Variants in RAPGEF6 observed in about 807,000 individuals in gnomAD.
RAPGEF6 encodes the protein PDZ domain containing guanine nucleotide exchange factor (GEF) 2.
RAPGEF6 carries 56 observed loss-of-function variants against 171.4 expected under a neutral mutation model. The ratio of observed to expected loss-of-function variants is 0.33; its 90% confidence interval spans 0.26 to 0.41. The LOEUF (loss-of-function observed/expected upper bound fraction) is 0.41. Ranked by LOEUF, RAPGEF6 falls within the 10% of genes least tolerant of loss-of-function variation. The pLI is 1.00. For missense variants in RAPGEF6, 1,674 were observed against 1,921.4 expected (o/e 0.87, Z 2.41); for synonymous variants, 692 against 650.1 (o/e 1.06, Z -0.98).
At chr5:131,528,313 T>TATTTTATA (rs1251388931) in intron 6 of RAPGEF6, among the ~76,000 whole-genome samples, 6 of 48,832 alleles carry the variant, frequency 1.2e-4, no homozygotes, top group African/African-American at 2.9e-4. Context: ...TATATTTATA[T>TATTTTATA]TATATATATA....
intron 4 of RAPGEF6, among the ~76,000 whole-genome samples, chr5:131,567,351 T>C (rs570374569): frequency 2.6e-5 from 4 of 152,298 alleles, no homozygotes; most frequent in African/African-American, 9.6e-5. Flanking sequence ...ACTCTGTTCT[T>C]TTCATTCTTA....
intron 4 of RAPGEF6, among the ~76,000 whole-genome samples, chr5:131,573,650 T>A (rs1762439143): frequency 1.3e-5 from 2 of 151,730 alleles, no homozygotes; most frequent in South Asian, 4.2e-4. Context: ...CCAGACGGAC[T>A]CCCCAGGTAT....
intron 14 of RAPGEF6, among the ~76,000 whole-genome samples, chr5:131,491,814 G>A (rs376001553): frequency 1.3e-5 from 2 of 152,120 alleles, no homozygotes; most frequent in South Asian, 2.1e-4. Flanking sequence ...TCCCTGGTCC[G>A]TGGAAAAACT....
chr5:131,516,377 G>T (rs1758086540), intron 7 of RAPGEF6, among the ~76,000 whole-genome samples: 1 of 152,164 alleles, frequency 6.6e-6, no homozygotes. Context: ...AAAGAAAGGT[G>T]TAAGAGAACA....
intron 6 of RAPGEF6, among the ~76,000 whole-genome samples, chr5:131,528,306 A>AG (rs1759090160): frequency 2.9e-5 from 1 of 34,874 alleles, no homozygotes; most frequent in Non-Finnish European, 6.4e-5. Flanking sequence ...AAAATAATAT[A>AG]TTTATATTAT....
Position 131,486,097 on chromosome 5 carries a change from G to A in RAPGEF6, c.1840+3449C>T, listed in dbSNP as rs7444480. 1.4e-3 allele frequency among the ~76,000 whole-genome samples: 207 copies of A among 152,324 alleles called. 2 individuals carry two copies. In the East Asian group the frequency reaches 0.036, roughly 27 times the overall value. The stretch of plus-strand genomic sequence containing the variant: ...ACCTAGATGGTCAGTTAGGTACAGC[G>A]CACATCCACTTCAGAGAGAGGTTTT... On this transcript the variant is annotated intron_variant, in intron 15 of 27. Transcript: ENST00000509018.
chr5:131,606,048 A>AG (rs1468121595), intron 1 of RAPGEF6, among the ~76,000 whole-genome samples: 69 of 123,582 alleles, frequency 5.6e-4, no homozygotes, highest in Non-Finnish European at 9.5e-4. Context: ...AAAAAAAAAA[A>AG]AAAAAGAAAA....
At chr5:131,466,868 T>C (rs995507726) in intron 17 of RAPGEF6, among the ~76,000 whole-genome samples, 2 of 152,230 alleles carry the variant, frequency 1.3e-5, no homozygotes, top group Admixed American at 6.5e-5. Flanking sequence ...AAGAGAAATA[T>C]ACTGAACAAA....
chr5:131,466,489 T>G (rs1754358263), intron 17 of RAPGEF6, among the ~76,000 whole-genome samples: 1 of 152,170 alleles, frequency 6.6e-6, no homozygotes, highest in South Asian at 2.1e-4. Context: ...GAATTGTAAC[T>G]CCCACAATTC....
chr5:131,548,074 A>T lies in RAPGEF6; in HGVS notation c.468T>A (p.Asp156Glu). The change falls in exon 6 of 28, where the codon GAT (aspartate) becomes GAA (glutamate). Residue 156 changes from aspartate (D) to glutamate (E), a missense_variant. By Grantham distance (45) the Asp-to-Glu change is conservative. Around this residue, in one of 3 missense-constraint regions of RAPGEF6, gnomAD observed 1,116 missense variants for 1,321.5 expected, o/e 0.84. Coordinates refer to ENST00000509018, the MANE Select transcript of RAPGEF6 (RefSeq NM_016340.6). ...NYKGERQTIT[D>E]DVEVNSYLSL... Reference sequence around the variant, plus strand: ...AAAGATAGCTGTTAACCTCCACATCATCAGTAATGGTTTGGCGCTCTCCTT... The same window carrying T: ...AAAGATAGCTGTTAACCTCCACATCTTCAGTAATGGTTTGGCGCTCTCCTT... 6.2e-7 allele frequency: 1 copy of T among 1,613,938 alleles called. No individual in the cohort carries two copies. Among genetic ancestry groups the T allele is most frequent in the Non-Finnish European group, 8.5e-7 (1 of 1,179,948 alleles).
chr5:131,625,833 C>T (rs989027301), intron 1 of RAPGEF6, among the ~76,000 whole-genome samples: 1 of 150,170 alleles, frequency 6.7e-6, no homozygotes, highest in Admixed American at 6.7e-5. Context: ...AAAAACCATA[C>T]TTCTTGGTTT....
At chr5:131,589,626 T>C (rs1763471629) in intron 4 of RAPGEF6, among the ~76,000 whole-genome samples, 1 of 152,242 alleles carries the variant, frequency 6.6e-6, no homozygotes, top group South Asian at 2.1e-4. Flanking sequence ...GCTTCAAATC[T>C]ACCCTTTATT....
At chr5:131,431,446 G>A (rs1390487746) in intron 25 of RAPGEF6, 97 bp from the exon 26 acceptor site, 13 of 1,318,812 alleles carry the variant, frequency 9.9e-6, no homozygotes, top group South Asian at 2.9e-5. Context: ...TACAGAGCAC[G>A]TACCACAAGT....
In RAPGEF6 at chr5:131,595,704, G is replaced by A. The variant is rs1227188341; in HGVS notation, c.198-3238C>T. Among the ~76,000 whole-genome samples the A allele has an allele frequency of 2.0e-5, 3 of 151,730 alleles. No individual in the cohort carries two copies. The East Asian group carries it at 5.8e-4, about 29-fold the overall frequency. ...ACAACCAGAAAACCATTAACACAAAGGCAGGAATAAATCCTTACCTATAAA... is the reference window on the plus strand; with the variant it reads ...ACAACCAGAAAACCATTAACACAAAAGCAGGAATAAATCCTTACCTATAAA... On this transcript the variant is annotated intron_variant, in intron 3 of 27. Transcript: ENST00000509018.
intron 6 of RAPGEF6, among the ~76,000 whole-genome samples, chr5:131,524,642 G>GAA (rs1278213860): frequency 2.1e-4 from 30 of 145,012 alleles, no homozygotes; most frequent in African/African-American, 7.9e-4. Context: ...GAGAGAGAGA[G>GAA]ACTTGCTCTG....
chr5:131,507,559 T>C (rs970745201), intron 9 of RAPGEF6, among the ~76,000 whole-genome samples: 2 of 152,166 alleles, frequency 1.3e-5, no homozygotes, highest in African/African-American at 4.8e-5. Context: ...ATCCACAAGC[T>C]GTCATCCGAG....
intron 24 of RAPGEF6, chr5:131,435,798 A>T: frequency 7.4e-7 from 1 of 1,344,644 alleles, no homozygotes; most frequent in Non-Finnish European, 9.8e-7. Flanking sequence ...ACATCAGTAA[A>T]ATAACTTATG....
intron 6 of RAPGEF6, among the ~76,000 whole-genome samples, chr5:131,546,374 G>A (rs553262467): frequency 2.6e-5 from 4 of 152,132 alleles, no homozygotes; most frequent in African/African-American, 9.7e-5. Context: ...GGGATGCCGA[G>A]GTGTGCAGAT....
chr5:131,634,651 G>A (rs1766519681), intron 1 of RAPGEF6, among the ~76,000 whole-genome samples: 1 of 152,026 alleles, frequency 6.6e-6, no homozygotes, highest in African/African-American at 2.4e-5. Flanking sequence ...CTACTTAAAC[G>A]AATGGGCATC....
Sources: gnomAD v4.1 joint callset for allele counts (sites outside exome capture counted in the v4.1 genomes callset) on GRCh38, gnomAD v4.1.1 for gene constraint, gnomAD v4.1.1 regional missense constraint, MANE v1.5 for transcripts, NCBI Gene and HGNC (gene_info 2026-07-23, HGNC 2026-07-21) for gene names.